NNMT: variants seen among roughly 807,000 people sequenced by gnomAD.
NNMT encodes the protein nicotinamide N-methyltransferase.
A neutral mutation model predicts 11.7 loss-of-function variants in NNMT; 10 were observed. The ratio of observed to expected loss-of-function variants is 0.85; its 90% confidence interval spans 0.53 to 1.45. The LOEUF (loss-of-function observed/expected upper bound fraction) is 1.45. NNMT is among the 40% of genes most tolerant of loss of function. The pLI is 0.00. For synonymous variants in NNMT, 143 were observed against 133.8 expected (o/e 1.07, Z -0.48); for missense variants, 381 against 319.4 (o/e 1.19, Z -1.47).
At chr11:114,261,078 C>A (rs1945076701) in intron 1 of NNMT, among the ~76,000 whole-genome samples, 1 of 152,214 alleles carries the variant, frequency 6.6e-6, no homozygotes, top group Admixed American at 6.5e-5. Flanking sequence ...GGGACAGGCT[C>A]TGGCTGGTCT....
rs1023041972 is a variant in NNMT, at chr11:114,313,500, TAAATA to T, written c.*1036_*1040del. On this transcript the variant is annotated 3_prime_UTR_variant, in exon 3 of 3. Transcript: ENST00000299964. ...AAAAAGTAAAATAATAAATAAATAA[TAAATA>T]AAATAAAATAAAGTGAATTGTTACA... 1.5e-4 allele frequency among the ~76,000 whole-genome samples: 23 copies of T among 152,086 alleles called. No individual in the cohort carries two copies. The highest frequency in any genetic ancestry group is 1.2e-3 in the East Asian group (6 of 5,188).
At position 114,312,334 on chromosome 11, in the gene NNMT, C is replaced by G. The variant is rs144304317; in HGVS notation, c.652C>G (p.Arg218Gly). The G allele has an allele frequency of 6.2e-7, 1 of 1,614,160 alleles. No individual in the cohort carries two copies. The change falls in exon 3 of 3, where the codon CGG becomes GGG. Residue 218 changes from arginine to glycine, a missense_variant. Physicochemically the swap from Arg to Gly is moderately radical, Grantham distance 125. Coordinates refer to ENST00000299964, the MANE Select transcript of NNMT (RefSeq NM_006169.3). Reference sequence around the variant, plus strand: ...GAAGTTCTCCAGCCTCCCCCTGGGCCGGGAGGCAGTAGAGGCTGCTGTGAA... The same window carrying G: ...GAAGTTCTCCAGCCTCCCCCTGGGCGGGGAGGCAGTAGAGGCTGCTGTGAA... Reference protein sequence around the residue: ...EQKFSSLPLGREAVEAAVKEA... With the variant: ...EQKFSSLPLGGEAVEAAVKEA...
intron 2 of NNMT, among the ~76,000 whole-genome samples, chr11:114,282,713 G>A (rs1945270828): frequency 6.6e-6 from 1 of 152,086 alleles, no homozygotes; most frequent in Non-Finnish European, 1.5e-5. Context: ...TCCTCTGAGG[G>A]CTAGATGAAG....
intron 2 of NNMT, among the ~76,000 whole-genome samples, chr11:114,272,670 C>T (rs974584663): frequency 1.3e-5 from 2 of 152,208 alleles, no homozygotes; most frequent in African/African-American, 4.8e-5. Flanking sequence ...TCTCCACCTG[C>T]AGGGTGGCCT....
At chr11:114,306,092 A>G (rs1945489844) in intron 2 of NNMT, among the ~76,000 whole-genome samples, 1 of 152,196 alleles carries the variant, frequency 6.6e-6, no homozygotes, top group Admixed American at 6.5e-5. Flanking sequence ...CATTTCTCTG[A>G]TGACCAGTGA....
Position 114,284,907 on chromosome 11 carries a change from T to C in NNMT, c.-129-11521T>C, listed in dbSNP as rs1053148557. 5.3e-5 allele frequency among the ~76,000 whole-genome samples: 8 copies of C among 151,522 alleles called. No homozygotes were observed. In the East Asian group the frequency reaches 5.8e-4, roughly 11 times the overall value. ...GCCTCAGCCTCCCAAGTAGCTGGGA[T>C]TACAGGTGCATACCACCATGACGGG... On this transcript the variant is annotated intron_variant, in intron 2 of 4. Coordinates refer to the NNMT transcript ENST00000535401.
At chr11:114,284,443 T>C (rs1350537617) in intron 2 of NNMT, among the ~76,000 whole-genome samples, 3 of 151,992 alleles carry the variant, frequency 2.0e-5, no homozygotes, top group South Asian at 2.1e-4. Context: ...CCCAACATGG[T>C]TTTTTTTGTT....
intron 2 of NNMT, among the ~76,000 whole-genome samples, chr11:114,301,292 G>A (rs1341848366): frequency 6.6e-6 from 1 of 152,096 alleles, no homozygotes; most frequent in Non-Finnish European, 1.5e-5. Context: ...AAAAAGCTGT[G>A]GTATGTCTAC....
intron 2 of NNMT, among the ~76,000 whole-genome samples, chr11:114,290,254 T>C (rs1166766769): frequency 6.6e-6 from 1 of 152,250 alleles, no homozygotes. Context: ...ATATTTTAAC[T>C]GATGCTTTTG....
intron 2 of NNMT, among the ~76,000 whole-genome samples, chr11:114,279,606 G>C (rs1470587021): frequency 1.3e-5 from 2 of 152,202 alleles, no homozygotes; most frequent in East Asian, 3.8e-4. Context: ...TGAATGATGT[G>C]ATGTTTCATT....
At chr11:114,274,181 C>A (rs1001106778) in intron 2 of NNMT, among the ~76,000 whole-genome samples, 1 of 152,196 alleles carries the variant, frequency 6.6e-6, no homozygotes, top group South Asian at 2.1e-4. Flanking sequence ...CCCAAACAAA[C>A]GTGTCTCTCT....
At chr11:114,291,162 A>G (rs892257239) in intron 2 of NNMT, among the ~76,000 whole-genome samples, 1 of 152,332 alleles carries the variant, frequency 6.6e-6, no homozygotes, top group East Asian at 1.9e-4. Flanking sequence ...CTCAATAAAT[A>G]CTACCTATTT....
In NNMT at chr11:114,296,618, T is replaced by C; in HGVS notation, c.62T>C (p.Leu21Pro). The change falls in exon 1 of 3, where the codon CTA becomes CCA. Residue 21 changes from leucine to proline, a missense_variant. Leu to Pro is a moderately conservative substitution (Grantham distance 98). Coordinates refer to ENST00000299964, the MANE Select transcript of NNMT (RefSeq NM_006169.3). ...YLSHFNPRDY[L>P]EKYYKFGSRH... ...AGCCATTTTAACCCTCGGGATTACC[T>C]AGAAAAATATTACAAGTTTGGTTCT... is the stretch of plus-strand genomic sequence containing the variant. 6.2e-7 allele frequency: 1 copy of C among 1,614,170 alleles called. No homozygotes were observed. The highest frequency in any genetic ancestry group is 8.5e-7 in the Non-Finnish European group (1 of 1,180,006).
chr11:114,308,436 A>C (rs1253703291), intron 2 of NNMT, among the ~76,000 whole-genome samples: 1 of 152,168 alleles, frequency 6.6e-6, no homozygotes, highest in East Asian at 1.9e-4. Flanking sequence ...TCTAAATCTC[A>C]GGATAGTTCA....
rs552025341 is a variant in NNMT, at chr11:114,312,211, T to C, written c.529T>C (p.Cys177Arg). The stretch of plus-strand genomic sequence containing the variant: ...CGCCTGCCCAGACCTCCCCACCTAC[T>C]GCAGGGCGCTCAGGAACCTCGGCAG... Reference protein sequence around the residue: ...DAACPDLPTYCRALRNLGSLL... With the variant: ...DAACPDLPTYRRALRNLGSLL... Residue 177 changes from cysteine (C) to arginine (R), a missense_variant, in exon 3 of 3, where the codon TGC (cysteine) becomes CGC (arginine). By Grantham distance (180) the Cys-to-Arg change is radical. Transcript: ENST00000299964. 5.1e-5 allele frequency: 83 copies of C among 1,614,168 alleles called. 1 individual carries two copies. The South Asian group carries it at 8.9e-4, about 17-fold the overall frequency.
chr11:114,305,710 G>A (rs1159592454), intron 2 of NNMT, among the ~76,000 whole-genome samples: 1 of 151,918 alleles, frequency 6.6e-6, no homozygotes, highest in African/African-American at 2.4e-5. Flanking sequence ...AGTATTCCAT[G>A]GTGTATATGT....
chr11:114,294,782 A>G (rs1945360421), upstream of NNMT, among the ~76,000 whole-genome samples: 1 of 152,102 alleles, frequency 6.6e-6, no homozygotes, highest in Non-Finnish European at 1.5e-5. Context: ...AAAAAAAAAG[A>G]GAGGGAGAAA....
At chr11:114,263,892 GC>G (rs1945101570) in intron 2 of NNMT, among the ~76,000 whole-genome samples, 1 of 152,138 alleles carries the variant, frequency 6.6e-6, no homozygotes, top group Non-Finnish European at 1.5e-5. Flanking sequence ...TGGTTCACAG[GC>G]AGCAGCATGG....
intron 2 of NNMT, among the ~76,000 whole-genome samples, chr11:114,270,783 T>C (rs570599326): frequency 6.6e-6 from 1 of 152,140 alleles, no homozygotes; most frequent in Admixed American, 6.5e-5. Context: ...TACCTTTTTG[T>C]TTAGTTCTTT....
Sources: allele counts gnomAD v4.1 joint callset (sites outside exome capture counted in the v4.1 genomes callset), GRCh38; gene constraint gnomAD v4.1.1; transcripts MANE v1.5; gene names NCBI Gene and HGNC (gene_info 2026-07-23, HGNC 2026-07-21).